The following C4orf50 variants were observed in gnomAD, a reference collection of about 807,000 sequenced individuals.
The protein encoded by C4orf50 is chromosome 4 open reading frame 50, also known as uncharacterized protein C4orf50.
A neutral mutation model predicts 77.2 loss-of-function variants in C4orf50; 80 were observed. That is an observed-to-expected ratio of 1.04 (90% CI 0.87 to 1.25). C4orf50 has a LOEUF of 1.25. Ranked by LOEUF, C4orf50 falls within the 50% of genes most tolerant of loss-of-function variation. The pLI, the probability that C4orf50 is intolerant of heterozygous loss-of-function variation, is 0.00. For synonymous variants in C4orf50, 532 were observed against 465.3 expected (o/e 1.14, Z -1.84); for missense variants, 1,257 against 1,152.9 (o/e 1.09, Z -1.31).
In C4orf50 at chr4:6,005,666, C is replaced by T. The variant is rs1722219604; in HGVS notation, c.963+2330G>A. ...CTTCTCTATCTGTTCAGTGGGTAAACAGCACCTGTCTCACAAGGCTGTCCT... is the reference window on the plus strand; with the variant it reads ...CTTCTCTATCTGTTCAGTGGGTAAATAGCACCTGTCTCACAAGGCTGTCCT... On this transcript the variant is annotated intron_variant, in intron 25 of 33. Coordinates refer to ENST00000531445, the Ensembl canonical transcript of C4orf50. Among the ~76,000 whole-genome samples the T allele has an allele frequency of 2.6e-5, 4 of 152,338 alleles. No individual in the cohort carries two copies. The South Asian group carries it at 8.3e-4, about 32-fold the overall frequency.
At position 5,905,141 on chromosome 4, in the gene C4orf50, G is replaced by A. The variant is rs1002678827; in HGVS notation, c.*2475-6953C>T. 2 of 152,194 alleles carry A rather than the reference G, an allele frequency of 1.3e-5. No homozygotes were observed. Among genetic ancestry groups the A allele is most frequent in the South Asian group, 2.1e-4 (1 of 4,826 alleles). 9.4% of individuals were successfully genotyped at this position (152,194 alleles called of 1,614,324 possible). A position where few individuals can be genotyped will look rare whatever the true frequency, so the allele number is the denominator to read the frequency against. ...GGAAGAAGGTAAGTTATTTGTGCACGGCGACCCAGCGTAGGAGCAGCAGAG... is the reference window on the plus strand; with the variant it reads ...GGAAGAAGGTAAGTTATTTGTGCACAGCGACCCAGCGTAGGAGCAGCAGAG... On this transcript the variant is annotated intron_variant, in intron 7 of 7. Coordinates refer to the C4orf50 transcript ENST00000324058. This position sits in a 1 kb window ranked among gnomAD's most constrained non-coding sequence, Gnocchi z 5.4.
At chr4:6,003,764 AGTGATGATG>A (rs1378272049) in intron 25 of C4orf50, among the ~76,000 whole-genome samples, 197 of 15,612 alleles carry the variant, frequency 0.013, 2 homozygotes, top group Non-Finnish European at 0.015. Context: ...ATGATGTGAT[AGTGATGATG>A]GTGATGATGG....
chr4:5,922,443 C>T (rs1717319587), intron 7 of C4orf50, among the ~76,000 whole-genome samples: 1 of 152,206 alleles, frequency 6.6e-6, no homozygotes, highest in South Asian at 2.1e-4. Flanking sequence ...CAATTTGTCA[C>T]TTACTTATCG....
intron 7 of C4orf50, among the ~76,000 whole-genome samples, chr4:5,930,770 C>T (rs1357034646): frequency 2.0e-5 from 3 of 152,204 alleles, no homozygotes; most frequent in Admixed American, 6.5e-5. Context: ...GTGTGCGTCT[C>T]CCCTGGGAGC....
rs1722338921 is a variant in C4orf50 at position 6,008,351 on chromosome 4, TGCACCTGCTCCCGCAGGACGC to T, written c.587_607del (p.Arg196_Val202del). On this transcript the variant is annotated inframe_deletion, in exon 25 of 34. Transcript: ENST00000531445. This position sits in a 1 kb window ranked among gnomAD's most constrained non-coding sequence, Gnocchi z 6.0. ...GCGCCGCACGTTGCGCTCCAGCCGC[TGCACCTGCTCCCGCAGGACGC>T]GCTCCTGCTCCCGCACCAGGCCCAG... is the stretch of plus-strand genomic sequence containing the variant. 2.6e-6 allele frequency: 1 copy of T among 390,842 alleles called. No individual in the cohort carries two copies. The highest frequency in any genetic ancestry group is 2.1e-5 in the African/African-American group (1 of 48,154). The allele number at this position is 390,842 out of a possible 1,614,324, so 24.2% of individuals were successfully genotyped here. A position where few individuals can be genotyped will look rare whatever the true frequency, so the allele number is the denominator to read the frequency against.
intron 28 of C4orf50, 139 bp downstream of exon 6, chr4:5,988,208 C>T: frequency 8.7e-7 from 1 of 1,147,448 alleles, no homozygotes. Flanking sequence ...TTTCTTTGTA[C>T]CAACCTCCTC....
chr4:5,960,019 C>G (rs571510104), intron 33 of C4orf50, among the ~76,000 whole-genome samples: 61 of 152,322 alleles, frequency 4.0e-4, no homozygotes, highest in African/African-American at 1.4e-3. Context: ...TGGTTGCAAA[C>G]CTCATGCCCA....
intron 26 of C4orf50, among the ~76,000 whole-genome samples, chr4:5,993,546 G>C (rs1378219814): frequency 6.6e-6 from 1 of 152,218 alleles, no homozygotes; most frequent in Non-Finnish European, 1.5e-5. Flanking sequence ...GCCGGGTGTG[G>C]TGGCTCATGC....
chr4:5,909,564 C>CT (rs898713994), intron 7 of C4orf50, among the ~76,000 whole-genome samples: 48 of 152,192 alleles, frequency 3.2e-4, no homozygotes, highest in Non-Finnish European at 5.9e-5. Context: ...CTTTTAAAGT[C>CT]TTATCTATAA....
At chr4:5,987,412 C>CAAAAAAAAAAAAAAAAAAAAAAAAA (rs58512584) in intron 28 of C4orf50, among the ~76,000 whole-genome samples, 3 of 33,646 alleles carry the variant, frequency 8.9e-5, no homozygotes, top group African/African-American at 2.7e-4. Flanking sequence ...CTCTGTCTCA[C>CAAAAAAAAAAAAAAAAAAAAAAAAA]AAAAAAAAAA....
chr4:5,988,500 C>A, exon 28 of C4orf50: 1 of 1,542,722 alleles, frequency 6.5e-7, no homozygotes. Context: ...TCCAGACCAG[C>A]GATGGAGGGG....
intron 26 of C4orf50, 77 bp from the exon 5 acceptor site, chr4:5,993,007 C>A (rs553775365): frequency 1.3e-5 from 5 of 397,028 alleles, no homozygotes; most frequent in South Asian, 1.4e-4. Flanking sequence ...GGGACCACGT[C>A]CCCCAGGCTT....
At chr4:5,917,154 A>T (rs1047709924) in intron 7 of C4orf50, among the ~76,000 whole-genome samples, 15 of 152,168 alleles carry the variant, frequency 9.9e-5, no homozygotes, top group Non-Finnish European at 2.2e-4. Flanking sequence ...ACTGTTATAG[A>T]TGAGGAAGCT....
chr4:6,011,827 T>C lies in C4orf50; in HGVS notation c.426+3A>G. The C allele has an allele frequency of 2.5e-6, 1 of 399,076 alleles. No homozygotes were observed. Among genetic ancestry groups the C allele is most frequent in the East Asian group, 3.6e-5 (1 of 28,070 alleles). 24.7% of individuals were successfully genotyped at this position (399,076 alleles called of 1,614,324 possible). A position where few individuals can be genotyped will look rare whatever the true frequency, so the allele number is the denominator to read the frequency against. ...GGGCCTGGAAAGGAGAAGGAAACGG[T>C]ACCTGGCTGGCCAGCTCCCCCTGCA... On this transcript the variant is annotated splice_donor_region_variant and intron_variant, in intron 24 of 33. Transcript: ENST00000531445. The surrounding 1 kb of genome is among the most constrained non-coding windows in gnomAD (Gnocchi z 4.2).
intron 7 of C4orf50, among the ~76,000 whole-genome samples, chr4:5,928,105 A>G (rs1717597523): frequency 6.6e-6 from 1 of 152,240 alleles, no homozygotes; most frequent in South Asian, 2.1e-4. Context: ...CATAATGTTT[A>G]TGGTCCTCTA....
At chr4:6,004,056 G>A (rs1722033228) in intron 25 of C4orf50, among the ~76,000 whole-genome samples, 2 of 116,398 alleles carry the variant, frequency 1.7e-5, no homozygotes, top group African/African-American at 6.5e-5. Context: ...TGGTGATGAT[G>A]GTGATGATGG....
At chr4:6,006,376 G>C (rs907940635) in intron 25 of C4orf50, among the ~76,000 whole-genome samples, 7 of 152,202 alleles carry the variant, frequency 4.6e-5, no homozygotes, top group African/African-American at 1.7e-4. Context: ...TGTGGGAGCT[G>C]AGTTAGTGCT....
chr4:5,959,433 C>T, exon 34 of C4orf50: 1 of 1,614,204 alleles, frequency 6.2e-7, no homozygotes, highest in Non-Finnish European at 8.5e-7. Context: ...AATGCTTTGT[C>T]TAAGCTCTTG....
At chr4:5,959,421 C>A (rs776698061) in exon 34 of C4orf50, 1 of 1,614,202 alleles carries the variant, frequency 6.2e-7, no homozygotes, top group South Asian at 1.1e-5. Context: ...GGAATTGCTG[C>A]AAATGCTTTG....
Sources: gnomAD v4.1 joint callset for allele counts (sites outside exome capture counted in the v4.1 genomes callset) on GRCh38, gnomAD v4.1.1 for gene constraint, Gnocchi (gnomAD v3.1) non-coding constraint, MANE v1.5 for transcripts, NCBI Gene and HGNC (gene_info 2026-07-23, HGNC 2026-07-21) for gene names.